HIPK2: variants seen among roughly 807,000 people sequenced by gnomAD.
HIPK2 encodes homeodomain interacting protein kinase 2.
HIPK2 carries 27 observed loss-of-function variants against 113.7 expected under a neutral mutation model. That is an observed-to-expected ratio of 0.24 (90% CI 0.17 to 0.33). The LOEUF is 0.33. Among genes scored for constraint, HIPK2 ranks in the 10% least tolerant of loss-of-function variants. The probability of loss-of-function intolerance (pLI) is 1.00; values close to 1 mark genes in which losing one functional copy is unlikely to be tolerated. For synonymous variants in HIPK2, 631 were observed against 642.2 expected, an observed-to-expected ratio of 0.98 and a Z score of 0.26; for missense variants, 1,257 against 1,588.0, an observed-to-expected ratio of 0.79 and a Z score of 3.54.
Position 139,754,068 on chromosome 7 carries a change from C to T in HIPK2, c.19+23537G>A, listed in dbSNP as rs563289791. Among the ~76,000 whole-genome samples the T allele has an allele frequency of 1.7e-4, 26 of 152,290 alleles. No homozygotes were observed. In the South Asian group the frequency reaches 4.8e-3, roughly 28 times the overall value. On this transcript the variant is annotated intron_variant, in intron 1 of 14. Transcript: ENST00000406875. ...CACAACACAAAGGGAAGCGGGGGCT[C>T]GAGGCCCCAGGCTGCTATCTGCTCC... is the stretch of plus-strand genomic sequence containing the variant.
chr7:139,691,358 T>C (rs1238500200), intron 2 of HIPK2, among the ~76,000 whole-genome samples: 1 of 152,200 alleles, frequency 6.6e-6, no homozygotes, highest in Non-Finnish European at 1.5e-5. Context: ...ACTAAGAAAG[T>C]TCAGTGTTCA....
At chr7:139,586,078 G>A (rs897093451) in intron 12 of HIPK2, among the ~76,000 whole-genome samples, 3 of 152,130 alleles carry the variant, frequency 2.0e-5, no homozygotes, top group African/African-American at 4.8e-5. Flanking sequence ...CAAAGCCTCC[G>A]TGATTAACTG....
chr7:139,690,355 T>C (rs531343606), intron 2 of HIPK2, among the ~76,000 whole-genome samples: 121 of 152,252 alleles, frequency 7.9e-4, no homozygotes, highest in African/African-American at 2.7e-3. Context: ...CTGGCTTCCC[T>C]ATGCTACAGT....
At chr7:139,729,967 C>A (rs891588689) in intron 1 of HIPK2, among the ~76,000 whole-genome samples, 1 of 152,206 alleles carries the variant, frequency 6.6e-6, no homozygotes, top group African/African-American at 2.4e-5. Flanking sequence ...TCCTCACTGA[C>A]CACCTCAAGA....
chr7:139,565,407 C>T lies in HIPK2; in HGVS notation c.*7520G>A, dbSNP rs945808577. Reference sequence around the variant, plus strand: ...AGAAGGTTTTAAATGAAAAAAGGAACAAGAAACCCACTCAAAACAACTGAA... The same window carrying T: ...AGAAGGTTTTAAATGAAAAAAGGAATAAGAAACCCACTCAAAACAACTGAA... On this transcript the variant is annotated 3_prime_UTR_variant, in exon 15 of 15. Transcript: ENST00000406875. 10 of 152,106 alleles carry T rather than the reference C, an allele frequency of 6.6e-5. No homozygotes were observed. The highest frequency in any genetic ancestry group is 2.4e-4 in the African/African-American group (10 of 41,426). The allele number at this position is 152,106 out of a possible 1,614,324, so 9.4% of individuals were successfully genotyped here.
In HIPK2 at chr7:139,777,778, G is replaced by C. The variant is rs1796812688; in HGVS notation, c.-155C>G. On this transcript the variant is annotated 5_prime_UTR_variant, in exon 1 of 15. Coordinates refer to ENST00000406875, the MANE Select transcript of HIPK2 (RefSeq NM_022740.5). Reference sequence around the variant, plus strand: ...CCGCGCCCGCATCACCGCCTCCCGTGGCCGGCGCCGGGGGAGGGGGCCGGG... The same window carrying C: ...CCGCGCCCGCATCACCGCCTCCCGTCGCCGGCGCCGGGGGAGGGGGCCGGG... The C allele has an allele frequency of 1.5e-6, 1 of 649,554 alleles. No individual in the cohort carries two copies. Among genetic ancestry groups the C allele is most frequent in the African/African-American group, 2.0e-5 (1 of 50,120 alleles). The allele number at this position is 649,554 out of a possible 1,614,324, so 40.2% of individuals were successfully genotyped here.
chr7:139,714,877 G>C lies in HIPK2; in HGVS notation c.1103+1055C>G, dbSNP rs780554645. Among the ~76,000 whole-genome samples, 5 of 152,208 alleles carry C rather than the reference G, an allele frequency of 3.3e-5. No individual in the cohort carries two copies. Among genetic ancestry groups the C allele is most frequent in the Non-Finnish European group, 7.3e-5 (5 of 68,036 alleles). ...TGCACCCGCCATGGCCAGCCACGGA[G>C]TGACACACCTAAGCCATGTTACAGC... On this transcript the variant is annotated intron_variant, in intron 2 of 14. Coordinates refer to ENST00000406875, the MANE Select transcript of HIPK2 (RefSeq NM_022740.5). This position sits in a 1 kb window ranked among gnomAD's most constrained non-coding sequence, Gnocchi z 4.2.
At chr7:139,635,315 GACTTCTCTGA>G (rs1317535346) in intron 2 of HIPK2, among the ~76,000 whole-genome samples, 1 of 152,186 alleles carries the variant, frequency 6.6e-6, no homozygotes, top group Non-Finnish European at 1.5e-5. Context: ...GGCCCCAGGG[GACTTCTCTGA>G]ACTTGACTAT....
At chr7:139,742,055 G>A (rs1796111899) in intron 1 of HIPK2, among the ~76,000 whole-genome samples, 1 of 152,158 alleles carries the variant, frequency 6.6e-6, no homozygotes, top group Non-Finnish European at 1.5e-5. Flanking sequence ...TCAAACACAT[G>A]TCAGTATGAC....
chr7:139,651,493 G>C (rs1569464857), intron 2 of HIPK2, among the ~76,000 whole-genome samples: 1 of 152,196 alleles, frequency 6.6e-6, no homozygotes, highest in Non-Finnish European at 1.5e-5. Context: ...ATGACCTGGG[G>C]CTGGATAAGG....
At chr7:139,663,026 C>G (rs1173898048) in intron 2 of HIPK2, among the ~76,000 whole-genome samples, 1 of 152,242 alleles carries the variant, frequency 6.6e-6, no homozygotes, top group African/African-American at 2.4e-5. Context: ...CACCTTCCCA[C>G]TGGCCACCAT....
At position 139,571,274 on chromosome 7, in the gene HIPK2, TGGAGCCCC is replaced by T. The variant is rs1008336336; in HGVS notation, c.*1645_*1652del. ...CAGCCCAGGGAGCCGGAGGAGAGAG[TGGAGCCCC>T]GGGCGAGGCTGAGAGCTCCAGGCTC... On this transcript the variant is annotated 3_prime_UTR_variant, in exon 15 of 15. Transcript: ENST00000406875. 2 of 151,668 alleles carry T rather than the reference TGGAGCCCC, an allele frequency of 1.3e-5. No homozygotes were observed. Among genetic ancestry groups the T allele is most frequent in the African/African-American group, 4.9e-5 (2 of 41,206 alleles). 9.4% of individuals were successfully genotyped at this position (151,668 alleles called of 1,614,324 possible).
chr7:139,738,755 T>C (rs1796017286), intron 1 of HIPK2, among the ~76,000 whole-genome samples: 1 of 152,218 alleles, frequency 6.6e-6, no homozygotes, highest in African/African-American at 2.4e-5. Context: ...ATTTTTATTT[T>C]TGCAATTTTT....
At chr7:139,587,488 CAAAAAAAAAAAA>C (rs1213368741) in intron 12 of HIPK2, among the ~76,000 whole-genome samples, 1 of 44,034 alleles carries the variant, frequency 2.3e-5, no homozygotes, top group Admixed American at 2.8e-4. Flanking sequence ...GACTGTGTCT[CAAAAAAAAAAAA>C]AAAAAAAAAA....
chr7:139,583,031 T>C (rs768044577), intron 13 of HIPK2, among the ~76,000 whole-genome samples: 11 of 152,258 alleles, frequency 7.2e-5, no homozygotes, highest in Non-Finnish European at 1.5e-4. Context: ...CTTCCTGGCG[T>C]TCCCTTTCCT....
At position 139,631,066 on chromosome 7, in the gene HIPK2, A is replaced by G. The variant is rs1337093657; in HGVS notation, c.1347+99T>C. ...TAACAACAGCACCCCCAGTGCCCTCATTTTGCTGACTGAATCAAAAGCTCC... is the reference window on the plus strand; with the variant it reads ...TAACAACAGCACCCCCAGTGCCCTCGTTTTGCTGACTGAATCAAAAGCTCC... On this transcript the variant is annotated intron_variant, in intron 4 of 14. Transcript: ENST00000406875. This position sits in a 1 kb window ranked among gnomAD's most constrained non-coding sequence, Gnocchi z 4.9. The G allele has an allele frequency of 1.4e-6, 2 of 1,462,954 alleles. No individual in the cohort carries two copies. Among genetic ancestry groups the G allele is most frequent in the Admixed American group, 2.4e-5 (1 of 41,510 alleles). 90.6% of individuals were successfully genotyped at this position (1,462,954 alleles called of 1,614,324 possible). A position where few individuals can be genotyped will look rare whatever the true frequency, so the allele number is the denominator to read the frequency against.
intron 2 of HIPK2, among the ~76,000 whole-genome samples, chr7:139,696,907 A>G (rs1342611580): frequency 2.6e-5 from 4 of 152,260 alleles, no homozygotes; most frequent in Admixed American, 6.5e-5. Flanking sequence ...TAAAACTTCT[A>G]TAAGACAGCA....
At chr7:139,711,853 C>G (rs932107613) in intron 2 of HIPK2, among the ~76,000 whole-genome samples, 1 of 152,186 alleles carries the variant, frequency 6.6e-6, no homozygotes, top group Non-Finnish European at 1.5e-5. Flanking sequence ...GCAAGGATTA[C>G]CTGCAACTCT....
intron 2 of HIPK2, among the ~76,000 whole-genome samples, chr7:139,663,777 G>C (rs1013254013): frequency 6.6e-6 from 1 of 152,208 alleles, no homozygotes; most frequent in African/African-American, 2.4e-5. Flanking sequence ...ACTCTCCACA[G>C]TGCTGACCTT....
Sources: allele counts gnomAD v4.1 joint callset (sites outside exome capture counted in the v4.1 genomes callset), GRCh38; gene constraint gnomAD v4.1.1; non-coding constraint Gnocchi (gnomAD v3.1); transcripts MANE v1.5; gene names NCBI Gene and HGNC (gene_info 2026-07-23, HGNC 2026-07-21).